Variants in TCP11L1 observed in about 807,000 individuals in gnomAD.
TCP11L1 encodes t-complex 11 like 1.
Under a neutral mutation model 48.9 loss-of-function variants are expected in TCP11L1, and 28 were observed. That is an observed-to-expected ratio of 0.57 (90% confidence interval 0.42 to 0.78). The LOEUF (loss-of-function observed/expected upper bound fraction) is 0.78, where lower values mean the gene tolerates loss of function less well. TCP11L1 is among the 30% of genes least tolerant of loss of function. The pLI, the probability that TCP11L1 is intolerant of heterozygous loss-of-function variation, is 0.00. For synonymous variants in TCP11L1, 204 were observed against 231.9 expected (o/e 0.88, Z 1.09); for missense variants, 505 against 613.4 (o/e 0.82, Z 1.87).
chr11:33,058,627 ATCAC>A (rs1854384693), intron 5 of TCP11L1, among the ~76,000 whole-genome samples: 1 of 152,148 alleles, frequency 6.6e-6, no homozygotes. Context: ...CAGAGGCATA[ATCAC>A]TCTTATCATT....
chr11:33,053,230 T>C (rs6484632), intron 2 of TCP11L1, among the ~76,000 whole-genome samples: 61,920 of 149,906 alleles, frequency 0.41, 12,926 homozygotes, highest in African/African-American at 0.48. Context: ...CTGCAACCTC[T>C]ACCTCCCAGG....
rs1854471755 is a variant in TCP11L1 at position 33,061,691 on chromosome 11, C to T, written c.937C>T (p.Leu313=). 1.2e-6 allele frequency: 2 copies of T among 1,608,500 alleles called. No homozygotes were observed. The highest frequency in any genetic ancestry group is 4.5e-5 in the East Asian group (2 of 44,754). Residue 313 remains leucine, a synonymous_variant, in exon 7 of 10, where the codon CTG becomes TTG. Transcript: ENST00000334274. The part of the protein sequence containing the change: ...AVQNYAYLKL[L]KWDHLQRPFP... ...CCAGAATTACGCTTACCTGAAGCTT[C>T]TGAAGTGGGACCACCTCCAGAGGCC...
chr11:33,058,547 TAAA>T (rs76529612), intron 5 of TCP11L1, among the ~76,000 whole-genome samples: 1 of 143,644 alleles, frequency 7.0e-6, no homozygotes. Context: ...CTCATGGATT[TAAA>T]AAAAAAAAAA....
intron 2 of TCP11L1, among the ~76,000 whole-genome samples, chr11:33,045,591 A>G (rs1853967455): frequency 6.6e-6 from 1 of 152,240 alleles, no homozygotes; most frequent in East Asian, 1.9e-4. Flanking sequence ...GGCTAACATG[A>G]TAGCTTTACA....
rs771280960 is a variant in TCP11L1, at chr11:33,061,706, C to G, written c.952C>G (p.Leu318Val). 1.2e-6 allele frequency: 2 copies of G among 1,602,132 alleles called. No homozygotes were observed. The highest frequency in any genetic ancestry group is 4.5e-5 in the East Asian group (2 of 44,598). The change falls in exon 7 of 10, where the codon CTC (leucine) becomes GTC (valine). Residue 318 changes from leucine (L) to valine (V), a missense_variant. Leu to Val is a conservative substitution (Grantham distance 32, BLOSUM62 1). Around this residue, in one of 3 missense-constraint regions of TCP11L1, gnomAD observed 335 missense variants for 413.3 expected, o/e 0.81. Coordinates refer to ENST00000334274, the MANE Select transcript of TCP11L1 (RefSeq NM_018393.4). Reference protein sequence around the residue: ...AYLKLLKWDHLQRPFPETVLM... With the variant: ...AYLKLLKWDHVQRPFPETVLM... ...CCTGAAGCTTCTGAAGTGGGACCAC[C>G]TCCAGAGGCCGTTCCCCGAAGTAGG...
chr11:33,063,771 T>C (rs1386082421), intron 7 of TCP11L1, among the ~76,000 whole-genome samples: 1 of 152,218 alleles, frequency 6.6e-6, no homozygotes, highest in East Asian at 1.9e-4. Flanking sequence ...ATCTTTCTTA[T>C]AAGTTCCTTA....
intron 2 of TCP11L1, among the ~76,000 whole-genome samples, chr11:33,052,702 G>A (rs1854196891): frequency 6.6e-6 from 1 of 152,142 alleles, no homozygotes; most frequent in Non-Finnish European, 1.5e-5. Context: ...TAGAAATACA[G>A]ATTCTGGGCC....
At chr11:33,045,090 C>T (rs978275831) in intron 2 of TCP11L1, among the ~76,000 whole-genome samples, 3 of 152,094 alleles carry the variant, frequency 2.0e-5, no homozygotes, top group Non-Finnish European at 4.4e-5. Context: ...CATGGTGGCT[C>T]ATACCTGTAA....
At chr11:33,062,078 C>T (rs1332471742) in intron 7 of TCP11L1, among the ~76,000 whole-genome samples, 1 of 151,538 alleles carries the variant, frequency 6.6e-6, no homozygotes, top group Admixed American at 6.6e-5. Flanking sequence ...GAGACTCTGT[C>T]TCAAAAAATA....
At chr11:33,070,771 G>A (rs1405903768) in intron 9 of TCP11L1, among the ~76,000 whole-genome samples, 1 of 152,014 alleles carries the variant, frequency 6.6e-6, no homozygotes, top group Non-Finnish European at 1.5e-5. Context: ...GGAGGCCAAG[G>A]TGGGCAGATT....
chr11:33,053,249 A>G (rs996866941), intron 2 of TCP11L1, among the ~76,000 whole-genome samples: 27 of 151,608 alleles, frequency 1.8e-4, no homozygotes, highest in African/African-American at 6.3e-4. Flanking sequence ...GGTTCAAGCA[A>G]TCCTTTCGCC....
At chr11:33,053,185 C>T (rs1854214616) in intron 2 of TCP11L1, among the ~76,000 whole-genome samples, 1 of 149,704 alleles carries the variant, frequency 6.7e-6, no homozygotes, top group African/African-American at 2.5e-5. Flanking sequence ...TCCTCTGTCG[C>T]CCAGGCTGGA....
chr11:33,065,425 G>A (rs1265983856), intron 7 of TCP11L1, among the ~76,000 whole-genome samples: 2 of 152,090 alleles, frequency 1.3e-5, no homozygotes, highest in African/African-American at 4.8e-5. Flanking sequence ...CACCACACCC[G>A]GCTAGTTTTG....
intron 2 of TCP11L1, chr11:33,044,152 AAC>A (rs1326156976): frequency 1.8e-5 from 8 of 441,510 alleles, no homozygotes; most frequent in African/African-American, 1.4e-4. Context: ...TAATGTCCAG[AAC>A]GTTCCTGTCT....
chr11:33,072,596 G>T lies in TCP11L1; in HGVS notation c.1450G>T (p.Ala484Ser). 2 of 1,614,124 alleles carry T rather than the reference G, an allele frequency of 1.2e-6. No individual in the cohort carries two copies. ...RELEEVAIKFARLVNYNKMVF... is the reference protein window; with the variant it reads ...RELEEVAIKFSRLVNYNKMVF... ...GCTGGAGGAAGTTGCTATTAAATTT[G>T]CTCGCCTGGTCAACTATAACAAGAT... The change falls in exon 10 of 10, where the codon GCT becomes TCT. Residue 484 changes from alanine to serine, a missense_variant. Transcript: ENST00000334274.
At chr11:33,061,383 A>C (rs1854461171) in intron 6 of TCP11L1, 147 bp from the exon 7 acceptor site, 1 of 817,544 alleles carries the variant, frequency 1.2e-6, no homozygotes, top group Admixed American at 3.5e-5. Flanking sequence ...CATTGGCACT[A>C]CTATGATTTG....
At chr11:33,053,591 T>C (rs1268328747) in intron 2 of TCP11L1, among the ~76,000 whole-genome samples, 1 of 152,212 alleles carries the variant, frequency 6.6e-6, no homozygotes, top group East Asian at 1.9e-4. Context: ...TCTACAGGAC[T>C]TGGATAACAG....
intron 7 of TCP11L1, 89 bp from the exon 8 acceptor site, chr11:33,065,741 A>G: frequency 1.4e-6 from 2 of 1,420,898 alleles, no homozygotes; most frequent in Non-Finnish European, 1.9e-6. Context: ...GGGAAGCTGC[A>G]GAGGCAGGTG....
chr11:33,058,693 T>A (rs760260388), intron 5 of TCP11L1, among the ~76,000 whole-genome samples: 8 of 152,230 alleles, frequency 5.3e-5, no homozygotes, highest in African/African-American at 9.6e-5. Context: ...CATTTTCTTT[T>A]GAAAAATTCC....
Sources: gnomAD v4.1 joint callset for allele counts (sites outside exome capture counted in the v4.1 genomes callset) on GRCh38, gnomAD v4.1.1 for gene constraint, gnomAD v4.1.1 regional missense constraint, MANE v1.5 for transcripts, NCBI Gene and HGNC (gene_info 2026-07-23, HGNC 2026-07-21) for gene names.